The following CLBA1 variants were observed in gnomAD, a reference collection of about 807,000 sequenced individuals.
CLBA1 encodes clathrin binding box of aftiphilin containing 1.
In CLBA1, 30 loss-of-function variants were observed where a neutral mutation model predicts 28.8. The ratio of observed to expected loss-of-function variants is 1.04; its 90% confidence interval spans 0.78 to 1.41. CLBA1 has a LOEUF of 1.41. Among genes scored for constraint, CLBA1 ranks in the 40% most tolerant of loss-of-function variants. The pLI is 0.00. For synonymous variants in CLBA1, 160 were observed against 152.8 expected (o/e 1.05, Z -0.35); for missense variants, 451 against 412.3 (o/e 1.09, Z -0.81).
rs1318933574 is a variant in CLBA1 at position 104,985,833 on chromosome 14, T to G, written c.-599T>G. ...CAGGAGGGAACGGCTGGTTGCAGGT[T>G]TCTCTCGCCCTGGTCCCGCGCGGCC... On this transcript the variant is annotated 5_prime_UTR_variant, in exon 1 of 5. Transcript: ENST00000547315. 2 of 290,508 alleles carry G rather than the reference T, an allele frequency of 6.9e-6. No individual in the cohort carries two copies. Among genetic ancestry groups the G allele is most frequent in the Middle Eastern group, 6.8e-4 (1 of 1,474 alleles). The allele number at this position is 290,508 out of a possible 1,614,324, so 18.0% of individuals were successfully genotyped here.
At chr14:104,993,474 C>T in intron 4 of CLBA1, 1 of 985,432 alleles carries the variant, frequency 1.0e-6, no homozygotes, top group Non-Finnish European at 1.2e-6. Flanking sequence ...TGACTGGCGG[C>T]TTCAGTCACG....
intron 2 of CLBA1, chr14:104,990,161 A>C: frequency 6.0e-6 from 1 of 166,156 alleles, no homozygotes; most frequent in Non-Finnish European, 1.3e-5. Flanking sequence ...CAGCAGCACA[A>C]CTCGCGGACC....
intron 4 of CLBA1, chr14:104,993,952 C>T: frequency 4.1e-6 from 4 of 985,154 alleles, no homozygotes; most frequent in Non-Finnish European, 4.8e-6. Flanking sequence ...CAGGAGGCAG[C>T]CAGGGTCAGC....
chr14:104,996,665 T>C (rs1900162005), downstream of CLBA1, among the ~76,000 whole-genome samples: 1 of 152,150 alleles, frequency 6.6e-6, no homozygotes, highest in Non-Finnish European at 1.5e-5. Context: ...AAGCCTCCAG[T>C]GGCCAAAAAG....
Position 104,989,949 on chromosome 14 carries a change from C to T in CLBA1, c.569+861C>T, listed in dbSNP as rs1354254758. 9.2e-6 allele frequency: 3 copies of T among 325,226 alleles called. No homozygotes were observed. The East Asian group carries it at 2.3e-4, about 25-fold the overall frequency. 20.1% of individuals were successfully genotyped at this position (325,226 alleles called of 1,614,324 possible). On this transcript the variant is annotated intron_variant, in intron 2 of 4. Transcript: ENST00000547315. ...GCTGGGGTCCAACCAGCACCTGCCC[C>T]AGGGTACCCTCTACAGGGGCTTGAG...
intron 4 of CLBA1, 43 bp downstream of exon 4, chr14:104,993,107 G>T: frequency 6.3e-7 from 1 of 1,590,804 alleles, no homozygotes; most frequent in Non-Finnish European, 8.6e-7. Context: ...CCGCGCTGGC[G>T]GTGTCCACAC....
chr14:104,987,524 A>G (rs1196126358), intron 1 of CLBA1, among the ~76,000 whole-genome samples: 2 of 151,010 alleles, frequency 1.3e-5, no homozygotes, highest in Non-Finnish European at 2.9e-5. Context: ...AAGCACCATC[A>G]TGAGAGATCA....
chr14:104,994,132 A>G, intron 4 of CLBA1: 2 of 985,462 alleles, frequency 2.0e-6, no homozygotes, highest in Non-Finnish European at 2.4e-6. Context: ...GCACCATAGC[A>G]CAGGAGGGTT....
Position 104,994,645 on chromosome 14 carries a change from C to G in CLBA1, c.864C>G (p.Ser288Arg). Reference sequence around the variant, plus strand: ...AACAGGGGAGGCTGATGACATGCAGCCGCTTCCTGAAGACCCCCTCATGCG... The same window carrying G: ...AACAGGGGAGGCTGATGACATGCAGGCGCTTCCTGAAGACCCCCTCATGCG... ...GSKQGRLMTC[S>R]RFLKTPSCGG... Residue 288 changes from serine to arginine, a missense_variant, in exon 5 of 5, where the codon AGC becomes AGG. Transcript: ENST00000547315. 5.0e-6 allele frequency: 8 copies of G among 1,613,592 alleles called. No homozygotes were observed. Among genetic ancestry groups the G allele is most frequent in the Non-Finnish European group, 5.9e-6 (7 of 1,179,956 alleles).
downstream of CLBA1, among the ~76,000 whole-genome samples, chr14:104,996,085 G>A (rs147232300): frequency 2.7e-3 from 415 of 152,280 alleles, 4 homozygotes; most frequent in African/African-American, 9.1e-3. Context: ...TGGCATCATG[G>A]TGTCACCCAT....
chr14:104,988,156 C>T (rs776470529), intron 1 of CLBA1, among the ~76,000 whole-genome samples: 5 of 152,078 alleles, frequency 3.3e-5, no homozygotes, highest in African/African-American at 4.8e-5. Context: ...ACATGAGACT[C>T]GCACACGTAC....
In CLBA1 at chr14:104,986,846, C is replaced by A; in HGVS notation, c.415C>A (p.Pro139Thr). 3 of 1,612,998 alleles carry A rather than the reference C, an allele frequency of 1.9e-6. No homozygotes were observed. ...PWVTGTSAVP[P>T]SEPILSYENI... ...GGTGACAGGAACTTCTGCCGTCCCACCTTCTGAGGTATTTCTGCTGTGCTG... is the reference window on the plus strand; with the variant it reads ...GGTGACAGGAACTTCTGCCGTCCCAACTTCTGAGGTATTTCTGCTGTGCTG... Residue 139 changes from proline to threonine, a missense_variant, in exon 1 of 5, where the codon CCT becomes ACT. Physicochemically the swap from Pro to Thr is conservative, Grantham distance 38. Transcript: ENST00000547315.
At chr14:104,997,925 C>G (rs1362042033), downstream of CLBA1, among the ~76,000 whole-genome samples, 1 of 152,104 alleles carries the variant, frequency 6.6e-6, no homozygotes, top group Non-Finnish European at 1.5e-5. Flanking sequence ...AAGAGACTTA[C>G]TTGAACCTGG....
At position 104,989,020 on chromosome 14, in the gene CLBA1, C is replaced by T. The variant is rs562028663; in HGVS notation, c.501C>T (p.Ser167=). The T allele has an allele frequency of 1.2e-6, 2 of 1,613,526 alleles. No homozygotes were observed. Among genetic ancestry groups the T allele is most frequent in the East Asian group, 2.2e-5 (1 of 44,880 alleles). The change falls in exon 2 of 5, where the codon TCC becomes TCT. Residue 167 remains serine, a synonymous_variant. Transcript: ENST00000547315. The part of the protein sequence containing the change: ...ITVQQAAEDV[S]TIDHFLEISS... The stretch of plus-strand genomic sequence containing the variant: ...TCCAGCAGGCAGCTGAAGACGTTTC[C>T]ACCATAGACCATTTCCTAGAAATAA...
chr14:104,992,989 C>T lies in CLBA1; in HGVS notation c.741C>T (p.Asp247=). ...GGQGHIMEDC[D]LKEPEGLLTV... is the part of the protein sequence containing the mutation. ...AGGGCCACATCATGGAAGATTGTGA[C>T]CTCAAAGAGCCTGAAGGACTCCTCA... Residue 247 remains aspartate, a synonymous_variant, in exon 4 of 5, where the codon GAC becomes GAT. Coordinates refer to ENST00000547315, the MANE Select transcript of CLBA1 (RefSeq NM_174891.4). 1.9e-6 allele frequency: 3 copies of T among 1,614,160 alleles called. No individual in the cohort carries two copies. The highest frequency in any genetic ancestry group is 2.5e-6 in the Non-Finnish European group (3 of 1,180,036).
chr14:105,000,593 A>G (rs1900248679), intron 2 of CLBA1, among the ~76,000 whole-genome samples: 1 of 152,064 alleles, frequency 6.6e-6, no homozygotes, highest in African/African-American at 2.4e-5. Flanking sequence ...TTCCAAAAAT[A>G]TATATATATC....
In CLBA1 at chr14:104,985,798, G is replaced by A. The variant is rs1050193290; in HGVS notation, c.-634G>A. Reference sequence around the variant, plus strand: ...GCGCACGCCGTTGCCAGGCAACGGGGCGGCGCAGGCAGGAGGGAACGGCTG... The same window carrying A: ...GCGCACGCCGTTGCCAGGCAACGGGACGGCGCAGGCAGGAGGGAACGGCTG... On this transcript the variant is annotated 5_prime_UTR_variant, in exon 1 of 5. Transcript: ENST00000547315. The A allele has an allele frequency of 1.0e-5, 3 of 286,368 alleles. No individual in the cohort carries two copies. The highest frequency in any genetic ancestry group is 2.2e-5 in the Non-Finnish European group (3 of 136,668). 17.7% of individuals were successfully genotyped at this position (286,368 alleles called of 1,614,324 possible). A position where few individuals can be genotyped will look rare whatever the true frequency, so the allele number is the denominator to read the frequency against.
chr14:104,991,987 G>A (rs938838919), intron 3 of CLBA1, among the ~76,000 whole-genome samples: 4 of 117,122 alleles, frequency 3.4e-5, no homozygotes, highest in Admixed American at 8.7e-5. Context: ...CGCCTCACAC[G>A]CCGCCATGCA....
rs774530790 is a variant in CLBA1 at position 104,986,451 on chromosome 14, TG to T, written c.26del (p.Gly9GlufsTer4). 20 of 1,612,486 alleles carry T rather than the reference TG, an allele frequency of 1.2e-5. No homozygotes were observed. Among genetic ancestry groups the T allele is most frequent in the Non-Finnish European group, 1.7e-5 (20 of 1,179,898 alleles). On this transcript the variant is annotated frameshift_variant, in exon 1 of 5. Coordinates refer to ENST00000547315, the MANE Select transcript of CLBA1 (RefSeq NM_174891.4). LOFTEE classifies it high-confidence loss of function. MQGRRE[L>X]GGEPLSDLQE... ...TCCAAGATGCAAGGCCGGCGGGAGC[TG>T]GGGGGAGAGCCTTTGAGTGACCTCC...
Sources: allele counts gnomAD v4.1 joint callset (sites outside exome capture counted in the v4.1 genomes callset), GRCh38; gene constraint gnomAD v4.1.1; transcripts MANE v1.5; gene names NCBI Gene and HGNC (gene_info 2026-07-23, HGNC 2026-07-21).